The following KLF12 variants were observed in gnomAD, a reference collection of about 807,000 sequenced individuals.
KLF12 encodes KLF transcription factor 12, also known as Krueppel-like factor 12.
In KLF12, 9 loss-of-function variants were observed where a neutral mutation model predicts 37.8. That is an observed-to-expected ratio of 0.24 (90% CI 0.14 to 0.42). The LOEUF (loss-of-function observed/expected upper bound fraction) is 0.42, where lower values mean the gene tolerates loss of function less well. Ranked by LOEUF, KLF12 falls within the 10% of genes least tolerant of loss-of-function variation. The pLI, the probability that KLF12 is intolerant of heterozygous loss-of-function variation, is 1.00. For synonymous variants in KLF12, 208 were observed against 202.1 expected, an observed-to-expected ratio of 1.03 and a Z score of -0.25; for missense variants, 411 against 516.0, an observed-to-expected ratio of 0.80 and a Z score of 1.97.
intron 6 of KLF12, among the ~76,000 whole-genome samples, chr13:73,716,930 C>T (rs1032718955): frequency 1.3e-5 from 2 of 152,190 alleles, no homozygotes; most frequent in Non-Finnish European, 2.9e-5. Flanking sequence ...GTTTTACTGG[C>T]ATAACTTTTT....
At chr13:73,786,757 C>CAAAAAA (rs10568058) in intron 5 of KLF12, among the ~76,000 whole-genome samples, 4 of 119,194 alleles carry the variant, frequency 3.4e-5, no homozygotes, top group Non-Finnish European at 5.2e-5. Context: ...ATTACAAATA[C>CAAAAAA]AAAAAAAAAA....
chr13:74,089,803 G>A (rs941513534), intron 1 of KLF12, among the ~76,000 whole-genome samples: 25 of 117,754 alleles, frequency 2.1e-4, no homozygotes, highest in Admixed American at 3.6e-4. Context: ...CATGCAGGGG[G>A]AAAAAAAAAA....
intron 1 of KLF12, among the ~76,000 whole-genome samples, chr13:74,123,732 A>T (rs1313690562): frequency 6.6e-6 from 1 of 152,226 alleles, no homozygotes; most frequent in Non-Finnish European, 1.5e-5. Flanking sequence ...GCTAGACACT[A>T]GTGACACTTC....
the KLF12 span, among the ~76,000 whole-genome samples, chr13:74,232,875 T>G: frequency 1.4e-5 from 2 of 141,582 alleles, no homozygotes; most frequent in Non-Finnish European, 3.0e-5. Flanking sequence ...TTTGTTGATC[T>G]TATTTATTTA....
the KLF12 span, among the ~76,000 whole-genome samples, chr13:74,176,732 C>T: frequency 6.6e-5 from 10 of 152,120 alleles, no homozygotes; most frequent in Admixed American, 6.6e-5. Flanking sequence ...AATCTGAACT[C>T]AAGGACCTGC....
the KLF12 span, among the ~76,000 whole-genome samples, chr13:74,181,472 C>G: frequency 6.6e-6 from 1 of 150,584 alleles, no homozygotes; most frequent in Non-Finnish European, 1.5e-5. Flanking sequence ...CACTTGAGGT[C>G]AGGAGGAGAC....
At chr13:74,022,917 G>A (rs1326992360) in intron 1 of KLF12, among the ~76,000 whole-genome samples, 1 of 149,172 alleles carries the variant, frequency 6.7e-6, no homozygotes, top group Non-Finnish European at 1.5e-5. Flanking sequence ...AACTCTCTTC[G>A]ACCTAACTCT....
intron 5 of KLF12, chr13:73,801,789 C>T (rs1294248732): frequency 6.6e-6 from 1 of 151,994 alleles, no homozygotes; most frequent in East Asian, 1.9e-4. Flanking sequence ...AAAATTTCAA[C>T]ATAATTTAAA....
chr13:74,088,212 T>C (rs186330214), intron 1 of KLF12, among the ~76,000 whole-genome samples: 241 of 152,194 alleles, frequency 1.6e-3, no homozygotes, highest in African/African-American at 5.5e-3. Context: ...AAATACTCTA[T>C]TTCAGAGGAA....
chr13:74,287,245 C>A, the KLF12 span, among the ~76,000 whole-genome samples: 2 of 151,992 alleles, frequency 1.3e-5, no homozygotes, highest in African/African-American at 4.8e-5. Flanking sequence ...ATGCAGGTGA[C>A]CTCTGTCGGC....
chr13:74,260,147 C>T, the KLF12 span, among the ~76,000 whole-genome samples: 1 of 152,282 alleles, frequency 6.6e-6, no homozygotes, highest in African/African-American at 2.4e-5. Flanking sequence ...CTCACACACA[C>T]ACATGCACAC....
chr13:73,965,579 C>G (rs17217378), intron 2 of KLF12, among the ~76,000 whole-genome samples: 12,161 of 152,192 alleles, frequency 0.08, 673 homozygotes, highest in Non-Finnish European at 0.12. Context: ...CGATCCATCC[C>G]CTTCTGCGTG....
chr13:74,216,829 A>C, the KLF12 span, among the ~76,000 whole-genome samples: 2 of 152,178 alleles, frequency 1.3e-5, no homozygotes, highest in African/African-American at 2.4e-5. Flanking sequence ...AGAGTTTCAA[A>C]ATTAAATGTG....
At chr13:74,129,555 C>CA (rs1411420259) in intron 1 of KLF12, among the ~76,000 whole-genome samples, 1 of 152,136 alleles carries the variant, frequency 6.6e-6, no homozygotes, top group East Asian at 1.9e-4. Flanking sequence ...TGCAGCAGTA[C>CA]AGCAGTAAGG....
chr13:74,042,292 A>G (rs1352488594), intron 1 of KLF12, among the ~76,000 whole-genome samples: 9 of 146,610 alleles, frequency 6.1e-5, no homozygotes, highest in Admixed American at 2.1e-4. Flanking sequence ...TGACAAAGCG[A>G]GACTCCATCT....
chr13:74,143,203 A>C, the KLF12 span, among the ~76,000 whole-genome samples: 4 of 144,750 alleles, frequency 2.8e-5, no homozygotes, highest in Admixed American at 1.4e-4. Context: ...CCTCTTTCTT[A>C]CTCTCTCTCT....
chr13:74,036,392 A>G (rs1893246755), intron 1 of KLF12, among the ~76,000 whole-genome samples: 1 of 152,164 alleles, frequency 6.6e-6, no homozygotes, highest in Non-Finnish European at 1.5e-5. Flanking sequence ...AAAAAAATGA[A>G]AAACAAGCTA....
intron 3 of KLF12, among the ~76,000 whole-genome samples, chr13:73,921,138 T>G (rs925884065): frequency 2.0e-5 from 3 of 152,140 alleles, no homozygotes; most frequent in Admixed American, 1.3e-4. Context: ...CCTCTAAAAT[T>G]GCCTACATCC....
chr13:74,005,804 C>T (rs976752974), intron 1 of KLF12, among the ~76,000 whole-genome samples: 12 of 152,164 alleles, frequency 7.9e-5, no homozygotes, highest in African/African-American at 2.2e-4. Context: ...TCATCACGGA[C>T]GGTTGCTGGT....
Sources: gnomAD v4.1 joint callset for allele counts (sites outside exome capture counted in the v4.1 genomes callset) on GRCh38, gnomAD v4.1.1 for gene constraint, MANE v1.5 for transcripts, NCBI Gene and HGNC (gene_info 2026-07-23, HGNC 2026-07-21) for gene names.